NRXN1: variants seen among roughly 807,000 people sequenced by gnomAD.
The protein encoded by NRXN1 is neurexin 1, also known as neurexin-1.
Under a neutral mutation model 150.9 loss-of-function variants are expected in NRXN1, and 39 were observed. That is an observed-to-expected ratio of 0.26 (90% confidence interval 0.20 to 0.34). The LOEUF (loss-of-function observed/expected upper bound fraction) is 0.34. Ranked by LOEUF, NRXN1 falls within the 10% of genes least tolerant of loss-of-function variation. The pLI is 1.00. For missense variants in NRXN1, 1,815 were observed against 1,949.9 expected, an observed-to-expected ratio of 0.93 and a Z score of 1.30; for synonymous variants, 924 against 757.0, an observed-to-expected ratio of 1.22 and a Z score of -3.62.
At chr2:50,045,706 G>T (rs1047815225) in intron 21 of NRXN1, among the ~76,000 whole-genome samples, 1 of 152,064 alleles carries the variant, frequency 6.6e-6, no homozygotes, top group Non-Finnish European at 1.5e-5. Flanking sequence ...ACTTAGACAA[G>T]AACTAATTAT....
At chr2:50,485,958 A>C (rs1255625828) in intron 15 of NRXN1, among the ~76,000 whole-genome samples, 1 of 152,206 alleles carries the variant, frequency 6.6e-6, no homozygotes, top group African/African-American at 2.4e-5. Flanking sequence ...GGCAGCCTCA[A>C]TTCTGAGCTT....
At chr2:50,192,784 T>C (rs1056974321) in intron 18 of NRXN1, among the ~76,000 whole-genome samples, 2 of 152,074 alleles carry the variant, frequency 1.3e-5, no homozygotes, top group Admixed American at 1.3e-4. Flanking sequence ...TTTTTTTGTA[T>C]TTTTTAGTAG....
At chr2:49,974,193 G>C (rs993087535) in intron 21 of NRXN1, 1 of 706,038 alleles carries the variant, frequency 1.4e-6, no homozygotes, top group East Asian at 2.7e-5. Context: ...GGCGAGAAAA[G>C]ACACAGAAAA....
At chr2:50,139,416 T>A (rs1289853686) in intron 18 of NRXN1, among the ~76,000 whole-genome samples, 6 of 150,480 alleles carry the variant, frequency 4.0e-5, no homozygotes, top group Non-Finnish European at 8.9e-5. Context: ...GGCAGTCACA[T>A]CATTAATCTA....
At chr2:50,637,147 TTC>T (rs1376201972) in intron 5 of NRXN1, among the ~76,000 whole-genome samples, 1 of 152,156 alleles carries the variant, frequency 6.6e-6, no homozygotes, top group African/African-American at 2.4e-5. Flanking sequence ...AACATAGATA[TTC>T]TGTTATGCTG....
At chr2:50,102,943 G>C (rs1429434466) in intron 18 of NRXN1, among the ~76,000 whole-genome samples, 2 of 151,954 alleles carry the variant, frequency 1.3e-5, no homozygotes, top group Non-Finnish European at 2.9e-5. Flanking sequence ...CGTAACAAAA[G>C]TAAAATATAT....
At chr2:50,594,579 G>C (rs1304604911) in intron 8 of NRXN1, among the ~76,000 whole-genome samples, 2 of 152,110 alleles carry the variant, frequency 1.3e-5, no homozygotes, top group Admixed American at 1.3e-4. Flanking sequence ...AAAAAGCAAA[G>C]CCTTCTAATA....
intron 5 of NRXN1, among the ~76,000 whole-genome samples, chr2:50,650,430 C>A (rs182369654): frequency 4.6e-5 from 7 of 152,052 alleles, no homozygotes; most frequent in Non-Finnish European, 8.8e-5. Flanking sequence ...TCATAAGAAG[C>A]TGCTCTGAAG....
At chr2:50,404,297 A>C (rs932752073) in intron 17 of NRXN1, among the ~76,000 whole-genome samples, 2 of 152,068 alleles carry the variant, frequency 1.3e-5, no homozygotes, top group South Asian at 4.1e-4. Context: ...TTGCTATAAA[A>C]GTATCCATTC....
chr2:49,996,870 G>A (rs1683090046), intron 21 of NRXN1, among the ~76,000 whole-genome samples: 1 of 152,150 alleles, frequency 6.6e-6, no homozygotes, highest in Non-Finnish European at 1.5e-5. Context: ...ACAGGACACA[G>A]ATATAGAGTG....
intron 5 of NRXN1, among the ~76,000 whole-genome samples, chr2:50,855,763 T>C (rs1346651207): frequency 6.6e-6 from 1 of 152,056 alleles, no homozygotes; most frequent in Non-Finnish European, 1.5e-5. Context: ...TCATTGAATA[T>C]CTTACTATGT....
At chr2:50,827,173 T>C (rs1169588504) in intron 5 of NRXN1, among the ~76,000 whole-genome samples, 2 of 152,200 alleles carry the variant, frequency 1.3e-5, no homozygotes, top group Admixed American at 6.5e-5. Context: ...GAATGGCAAA[T>C]AGCCTGGAAG....
intron 15 of NRXN1, among the ~76,000 whole-genome samples, chr2:50,474,683 C>CCCA: frequency 1.8e-5 from 1 of 54,998 alleles, no homozygotes; most frequent in East Asian, 5.3e-4. Context: ...ACAGAAATAG[C>CCCA]AAAAAAAAAA....
chr2:50,534,099 GCACA>G (rs10544475), intron 10 of NRXN1, among the ~76,000 whole-genome samples: 37,492 of 147,078 alleles, frequency 0.25, 4,953 homozygotes, highest in East Asian at 0.51. Flanking sequence ...ATCAATAATT[GCACA>G]CACACACACA....
At chr2:49,961,568 C>A (rs1318188166) in intron 21 of NRXN1, among the ~76,000 whole-genome samples, 1 of 152,010 alleles carries the variant, frequency 6.6e-6, no homozygotes, top group Non-Finnish European at 1.5e-5. Context: ...CAAGCCCTAA[C>A]AAGAATCTGC....
chr2:50,044,200 C>T (rs1691452182), intron 21 of NRXN1, among the ~76,000 whole-genome samples: 1 of 152,132 alleles, frequency 6.6e-6, no homozygotes, highest in Non-Finnish European at 1.5e-5. Flanking sequence ...TTGAGGTTCA[C>T]AATTATAACA....
At chr2:50,472,079 G>A (rs1332614729) in intron 16 of NRXN1, among the ~76,000 whole-genome samples, 1 of 150,784 alleles carries the variant, frequency 6.6e-6, no homozygotes, top group Non-Finnish European at 1.5e-5. Flanking sequence ...AAGATCCATA[G>A]ATATACCTCC....
chr2:50,282,831 T>A (rs1171681363), intron 17 of NRXN1, among the ~76,000 whole-genome samples: 1 of 152,116 alleles, frequency 6.6e-6, no homozygotes, highest in South Asian at 2.1e-4. Flanking sequence ...CAAACAGATA[T>A]CCATGTGCTT....
chr2:50,007,239 A>T (rs1289149081), intron 21 of NRXN1, among the ~76,000 whole-genome samples: 3 of 152,082 alleles, frequency 2.0e-5, no homozygotes, highest in African/African-American at 7.2e-5. Context: ...CCATCTCCTA[A>T]GGAGGTTGAG....
Sources: allele counts gnomAD v4.1 joint callset (sites outside exome capture counted in the v4.1 genomes callset), GRCh38; gene constraint gnomAD v4.1.1; transcripts MANE v1.5; gene names NCBI Gene and HGNC (gene_info 2026-07-23, HGNC 2026-07-21).